CTNNA3: variants seen among roughly 807,000 people sequenced by gnomAD.
The protein encoded by CTNNA3 is catenin alpha-3.
CTNNA3 carries 76 observed loss-of-function variants against 95.7 expected under a neutral mutation model. The observed-to-expected ratio is 0.79, with a 90% confidence interval of 0.66 to 0.96. CTNNA3 has a LOEUF of 0.96. Ranked by LOEUF, CTNNA3 falls within the 40% of genes least tolerant of loss-of-function variation. The probability of loss-of-function intolerance (pLI) is 0.00; values close to 1 mark genes in which losing one functional copy is unlikely to be tolerated. For missense variants in CTNNA3, 1,191 were observed against 1,089.8 expected, an observed-to-expected ratio of 1.09 and a Z score of -1.31; for synonymous variants, 431 against 374.4, an observed-to-expected ratio of 1.15 and a Z score of -1.74.
chr10:66,958,948 C>T (rs557564586), intron 7 of CTNNA3, among the ~76,000 whole-genome samples: 43 of 152,264 alleles, frequency 2.8e-4, no homozygotes, highest in African/African-American at 7.2e-4. Flanking sequence ...AGTAGTTACG[C>T]TTCTATTCAG....
chr10:66,050,603 A>C (rs2079930832), intron 15 of CTNNA3, among the ~76,000 whole-genome samples: 1 of 151,980 alleles, frequency 6.6e-6, no homozygotes, highest in Admixed American at 6.6e-5. Context: ...GGCTCCTTAG[A>C]TTTTTATAAT....
chr10:66,719,393 A>G (rs1190985293), intron 9 of CTNNA3, among the ~76,000 whole-genome samples: 1 of 152,196 alleles, frequency 6.6e-6, no homozygotes, highest in Admixed American at 6.5e-5. Flanking sequence ...CCCTAAGTTA[A>G]CATCTGATAA....
chr10:66,746,876 TGTGTGTGTGC>T (rs887491209), intron 9 of CTNNA3, among the ~76,000 whole-genome samples: 2 of 152,154 alleles, frequency 1.3e-5, no homozygotes, highest in African/African-American at 4.8e-5. Flanking sequence ...TGTGTGTGTG[TGTGTGTGTGC>T]GTGCACACAC....
At chr10:67,565,757 T>C (rs991951562) in intron 3 of CTNNA3, among the ~76,000 whole-genome samples, 1 of 150,040 alleles carries the variant, frequency 6.7e-6, no homozygotes, top group African/African-American at 2.4e-5. Context: ...TTGGTAGAAA[T>C]ATAAATTAGT....
intron 17 of CTNNA3, among the ~76,000 whole-genome samples, chr10:65,933,755 A>G (rs16922180): frequency 0.051 from 7,779 of 152,188 alleles, 366 homozygotes; most frequent in African/African-American, 0.12. Flanking sequence ...ATCTTCCACA[A>G]TGTCTTCTGT....
intron 6 of CTNNA3, among the ~76,000 whole-genome samples, chr10:67,214,098 G>C (rs1380309814): frequency 3.3e-5 from 5 of 151,712 alleles, no homozygotes; most frequent in African/African-American, 1.2e-4. Context: ...TGTCTTTGGA[G>C]AGTTTAGGTT....
At chr10:66,545,260 C>T in intron 10 of CTNNA3, among the ~76,000 whole-genome samples, 1 of 151,908 alleles carries the variant, frequency 6.6e-6, no homozygotes, top group East Asian at 1.9e-4. Context: ...TTTAATGTTA[C>T]CGCATAAACG....
intron 7 of CTNNA3, among the ~76,000 whole-genome samples, chr10:67,093,746 A>T (rs1019305163): frequency 6.6e-6 from 1 of 152,030 alleles, no homozygotes; most frequent in Admixed American, 6.6e-5. Flanking sequence ...GGTGTGAAAA[A>T]TACCATATGC....
intron 7 of CTNNA3, chr10:66,926,365 CTGCGAA>C (rs970226964): frequency 1.7e-6 from 1 of 592,206 alleles, no homozygotes; most frequent in Non-Finnish European, 3.0e-6. Context: ...TGATGTTTTG[CTGCGAA>C]TGCGGTGTTG....
chr10:67,354,092 CT>C (rs1385070614), intron 5 of CTNNA3, among the ~76,000 whole-genome samples: 1 of 152,002 alleles, frequency 6.6e-6, no homozygotes, highest in Non-Finnish European at 1.5e-5. Flanking sequence ...ACAAACATTT[CT>C]CATTACTAGG....
chr10:66,443,761 G>A (rs2093394535), intron 11 of CTNNA3, among the ~76,000 whole-genome samples: 1 of 152,110 alleles, frequency 6.6e-6, no homozygotes, highest in Non-Finnish European at 1.5e-5. Context: ...CTAAAAAGCA[G>A]AGCACCTCTC....
At chr10:67,342,164 C>T (rs1367865039) in intron 5 of CTNNA3, among the ~76,000 whole-genome samples, 5 of 140,990 alleles carry the variant, frequency 3.5e-5, no homozygotes, top group African/African-American at 5.3e-5. Context: ...TGCAAAGGCG[C>T]GGTCTCGGCT....
At chr10:66,535,572 C>A (rs919952218) in intron 10 of CTNNA3, among the ~76,000 whole-genome samples, 2 of 152,156 alleles carry the variant, frequency 1.3e-5, no homozygotes, top group Non-Finnish European at 2.9e-5. Context: ...GAGCTAATGT[C>A]ATTCTATGTA....
In CTNNA3 at chr10:67,738,197, C is replaced by T. The variant is rs537233285; in HGVS notation, c.-2+25237G>A. Among the ~76,000 whole-genome samples the T allele has an allele frequency of 7.2e-5, 11 of 152,256 alleles. No homozygotes were observed. The East Asian group carries it at 1.2e-3, about 16-fold the overall frequency. On this transcript the variant is annotated intron_variant, in intron 1 of 17. Transcript: ENST00000684154. Reference sequence around the variant, plus strand: ...GGGGCCGAAAGACACCTCATACAGGCGGGTGTCCCTCTGGGACAAAGCTTC... The same window carrying T: ...GGGGCCGAAAGACACCTCATACAGGTGGGTGTCCCTCTGGGACAAAGCTTC...
intron 11 of CTNNA3, among the ~76,000 whole-genome samples, chr10:66,446,732 A>C (rs1378695958): frequency 6.6e-6 from 1 of 152,184 alleles, no homozygotes; most frequent in Non-Finnish European, 1.5e-5. Context: ...TGAATGGGCA[A>C]AATCTGGAAG....
rs574769499 is a variant in CTNNA3, at chr10:67,732,168, G to A, written c.-2+31266C>T. On this transcript the variant is annotated intron_variant, in intron 1 of 17. Coordinates refer to the CTNNA3 transcript ENST00000684154. ...AGTTTTTTTATTTGTCTAAATTTAA[G>A]GGGCACAAGTGCAGCTTGGTTACAT... 5.3e-5 allele frequency among the ~76,000 whole-genome samples: 8 copies of A among 151,850 alleles called. No homozygotes were observed. In the East Asian group the frequency reaches 1.4e-3, roughly 26 times the overall value.
At chr10:67,153,114 T>G (rs1182865026) in intron 7 of CTNNA3, among the ~76,000 whole-genome samples, 1 of 152,096 alleles carries the variant, frequency 6.6e-6, no homozygotes, top group Admixed American at 6.6e-5. Context: ...TAGCTGGGAT[T>G]ACAGGTGCCC....
intron 5 of CTNNA3, among the ~76,000 whole-genome samples, chr10:67,362,109 A>C (rs1447509189): frequency 1.3e-5 from 2 of 152,118 alleles, no homozygotes; most frequent in East Asian, 3.9e-4. Context: ...AACAAGTTCC[A>C]AAGTTGAATC....
chr10:66,912,809 C>G (rs982164264), intron 7 of CTNNA3, among the ~76,000 whole-genome samples: 1 of 152,022 alleles, frequency 6.6e-6, no homozygotes, highest in Admixed American at 6.5e-5. Context: ...AATGAACACA[C>G]GGGGGAACAT....
Sources: allele counts gnomAD v4.1 joint callset (sites outside exome capture counted in the v4.1 genomes callset), GRCh38; gene constraint gnomAD v4.1.1; transcripts MANE v1.5; gene names NCBI Gene and HGNC (gene_info 2026-07-23, HGNC 2026-07-21).